DZIP1L: variants seen among roughly 807,000 people sequenced by gnomAD.
DZIP1L encodes the protein cilium assembly protein DZIP1L.
DZIP1L carries 90 observed loss-of-function variants against 88.7 expected under a neutral mutation model. The ratio of observed to expected loss-of-function variants is 1.02; its 90% confidence interval spans 0.86 to 1.21. DZIP1L has a LOEUF of 1.21. Among genes scored for constraint, DZIP1L ranks in the 50% most tolerant of loss-of-function variants. The probability of loss-of-function intolerance (pLI) is 0.00; values close to 1 mark genes in which losing one functional copy is unlikely to be tolerated. For synonymous variants in DZIP1L, 363 were observed against 372.1 expected (o/e 0.98, Z 0.28); for missense variants, 932 against 955.8 (o/e 0.98, Z 0.33).
intron 5 of DZIP1L, among the ~76,000 whole-genome samples, chr3:138,090,931 AG>A (rs1167399480): frequency 6.6e-6 from 1 of 150,454 alleles, no homozygotes; most frequent in East Asian, 2.0e-4. Flanking sequence ...TCACCCAGGC[AG>A]GGGTGCAGTG....
chr3:138,086,000 C>T (rs1326727696), intron 7 of DZIP1L, among the ~76,000 whole-genome samples: 1 of 151,772 alleles, frequency 6.6e-6, no homozygotes, highest in African/African-American at 2.4e-5. Context: ...AGTAAACTAT[C>T]ACAAGAACAA....
intron 1 of DZIP1L, among the ~76,000 whole-genome samples, chr3:138,110,818 A>C (rs1365343795): frequency 3.3e-5 from 5 of 152,280 alleles, no homozygotes; most frequent in Non-Finnish European, 5.9e-5. Flanking sequence ...CCTATTATGC[A>C]GATGAAGAAA....
At chr3:138,083,770 T>A (rs990906932) in intron 8 of DZIP1L, among the ~76,000 whole-genome samples, 26 of 152,282 alleles carry the variant, frequency 1.7e-4, no homozygotes, top group African/African-American at 6.3e-4. Context: ...ATCTGTCGAA[T>A]GAAGATGGGG....
At chr3:138,069,120 G>T in intron 12 of DZIP1L, 1 of 779,240 alleles carries the variant, frequency 1.3e-6, no homozygotes, top group Non-Finnish European at 2.1e-6. Context: ...TCTGCCACCC[G>T]TGAGACAGCA....
intron 11 of DZIP1L, among the ~76,000 whole-genome samples, chr3:138,075,037 C>G (rs1050441474): frequency 6.6e-6 from 1 of 152,132 alleles, no homozygotes; most frequent in African/African-American, 2.4e-5. Context: ...TTTAAAGCAA[C>G]AGCAGTTAAA....
chr3:138,114,963 C>T (rs2042668891), intron 1 of DZIP1L, among the ~76,000 whole-genome samples: 1 of 152,244 alleles, frequency 6.6e-6, no homozygotes, highest in African/African-American at 2.4e-5. Flanking sequence ...TCATCAAGCC[C>T]TCCCAAATCA....
intron 12 of DZIP1L, among the ~76,000 whole-genome samples, chr3:138,070,987 G>A (rs1378738584): frequency 2.6e-5 from 4 of 152,266 alleles, no homozygotes; most frequent in East Asian, 1.9e-4. Flanking sequence ...ACAGAATTTC[G>A]TGTTCCACCA....
chr3:138,067,221 T>C (rs1349576828), intron 14 of DZIP1L, among the ~76,000 whole-genome samples: 1 of 152,126 alleles, frequency 6.6e-6, no homozygotes, highest in African/African-American at 2.4e-5. Context: ...TACTCTCTAC[T>C]GGAAAGAACA....
rs1345713714 is a variant in DZIP1L at position 138,092,379 on chromosome 3, G to A, written c.870+4C>T. 1 of 1,535,910 alleles carries A rather than the reference G, an allele frequency of 6.5e-7. No individual in the cohort carries two copies. The highest frequency in any genetic ancestry group is 1.3e-5 in the South Asian group (1 of 75,592). On this transcript the variant is annotated splice_donor_region_variant and intron_variant, in intron 5 of 15. Transcript: ENST00000327532. ...AACTTTAAAAAGCCTTTTATGTTGGGTACCTCTTCTAGTGTAGAGTTCTGC... is the reference window on the plus strand; with the variant it reads ...AACTTTAAAAAGCCTTTTATGTTGGATACCTCTTCTAGTGTAGAGTTCTGC...
In DZIP1L at chr3:138,103,834, C is replaced by T; in HGVS notation, c.138G>A (p.Val46=). 1 of 1,614,194 alleles carries T rather than the reference C, an allele frequency of 6.2e-7. No homozygotes were observed. Among genetic ancestry groups the T allele is most frequent in the Non-Finnish European group, 8.5e-7 (1 of 1,180,048 alleles). ...GAGTGGCCACATCCAGTTCCCGGGC[C>T]ACGCGGTCTACATCCAGGGTGCTAA... The part of the protein sequence containing the change: ...RRISTLDVDR[V]ARELDVATLQ... The change falls in exon 2 of 16, where the codon GTG becomes GTA. Residue 46 remains valine (V), a synonymous_variant. Coordinates refer to ENST00000327532, the MANE Select transcript of DZIP1L (RefSeq NM_173543.3).
Position 138,066,679 on chromosome 3 carries a change from C to G in DZIP1L, c.2002+852G>C, listed in dbSNP as rs1388059031. On this transcript the variant is annotated intron_variant, in intron 14 of 15. Coordinates refer to ENST00000327532, the MANE Select transcript of DZIP1L (RefSeq NM_173543.3). ...CAGAGCTGAGCACGCGGTGAGCACCCAGCAACACCAACATAGAGGGGAGAG... is the reference window on the plus strand; with the variant it reads ...CAGAGCTGAGCACGCGGTGAGCACCGAGCAACACCAACATAGAGGGGAGAG... Among the ~76,000 whole-genome samples, 3 of 152,030 alleles carry G rather than the reference C, an allele frequency of 2.0e-5. No homozygotes were observed. The East Asian group carries it at 5.8e-4, about 29-fold the overall frequency.
rs747931783 is a variant in DZIP1L, at chr3:138,077,501, T to A, written c.1420A>T (p.Lys474Ter). ...AAAACGATGGCCCTGAAACTCACCTTCCTTATCCCCATGCTTTCGAGCTTC... is the reference window on the plus strand; with the variant it reads ...AAAACGATGGCCCTGAAACTCACCTACCTTATCCCCATGCTTTCGAGCTTC... ...EEKLESMGIR[K>*]DAKGISIQTL... Residue 474 changes from lysine to a stop codon, truncating the protein, a stop_gained and splice_region_variant, in exon 11 of 16, where the codon AAG becomes TAG. Transcript: ENST00000327532. LOFTEE classifies it high-confidence loss of function. The A allele has an allele frequency of 3.7e-6, 6 of 1,614,010 alleles. No homozygotes were observed. The East Asian group carries it at 1.3e-4, about 36-fold the overall frequency.
chr3:138,067,417 C>T (rs1942957903), intron 14 of DZIP1L, 114 bp downstream of exon 14: 1 of 1,243,520 alleles, frequency 8.0e-7, no homozygotes, highest in African/African-American at 1.6e-5. Flanking sequence ...AAAGAGATGT[C>T]AAATAAGAAA....
chr3:138,083,610 A>G (rs1943774391), intron 8 of DZIP1L, among the ~76,000 whole-genome samples: 1 of 152,206 alleles, frequency 6.6e-6, no homozygotes, highest in African/African-American at 2.4e-5. Flanking sequence ...TTTGTGAAAA[A>G]GGTACTGGTT....
chr3:138,092,495 T>A lies in DZIP1L; in HGVS notation c.758A>T (p.Asp253Val). ...QREIEAKKEFDKWKEQEWTKL... is the reference protein window; with the variant it reads ...QREIEAKKEFVKWKEQEWTKL... ...GGTCCACTCTTGCTCTTTCCATTTA[T>A]CAAATTCTTTCTTAGCTTCTATTTC... The change falls in exon 5 of 16, where the codon GAT (aspartate) becomes GTT (valine). Residue 253 changes from aspartate (D) to valine (V), a missense_variant. Physicochemically the swap from Asp to Val is radical, Grantham distance 152. Coordinates refer to ENST00000327532, the MANE Select transcript of DZIP1L (RefSeq NM_173543.3). 6.2e-7 allele frequency: 1 copy of A among 1,603,150 alleles called. No individual in the cohort carries two copies. Among genetic ancestry groups the A allele is most frequent in the Admixed American group, 1.7e-5 (1 of 57,528 alleles).
chr3:138,090,769 A>G (rs911602807), intron 5 of DZIP1L, among the ~76,000 whole-genome samples: 1 of 152,208 alleles, frequency 6.6e-6, no homozygotes, highest in African/African-American at 2.4e-5. Flanking sequence ...ATTTTCAAAA[A>G]CAAGATTCTC....
Position 138,103,569 on chromosome 3 carries a change from C to A in DZIP1L, c.403G>T (p.Glu135Ter), listed in dbSNP as rs764994133. 1.2e-6 allele frequency: 2 copies of A among 1,608,268 alleles called. No homozygotes were observed. Among genetic ancestry groups the A allele is most frequent in the Non-Finnish European group, 8.5e-7 (1 of 1,179,606 alleles). The change falls in exon 2 of 16, where the codon GAG (glutamate) becomes TAG (stop). Residue 135 changes from glutamate (E) to a stop codon, truncating the protein, a stop_gained. Coordinates refer to ENST00000327532, the MANE Select transcript of DZIP1L (RefSeq NM_173543.3). LOFTEE classifies it high-confidence loss of function. Reference protein sequence around the residue: ...GQQELGRQADELKGVREESRR... With the variant: ...GQQELGRQAD ...CTCTCCTCCCGCACACCCTTGAGCT[C>A]GTCAGCCTGGCGTCCCAGCTCCTGC...
intron 10 of DZIP1L, among the ~76,000 whole-genome samples, chr3:138,079,880 C>T (rs571860396): frequency 4.3e-4 from 65 of 152,316 alleles, no homozygotes; most frequent in Non-Finnish European, 7.6e-4. Context: ...CTTGCTCAAA[C>T]AAACGGGACC....
intron 2 of DZIP1L, among the ~76,000 whole-genome samples, chr3:138,100,462 C>G (rs1944680905): frequency 6.6e-6 from 1 of 152,164 alleles, no homozygotes; most frequent in African/African-American, 2.4e-5. Context: ...GTTCTGTGAG[C>G]CATTCTAGCA....
Sources: allele counts gnomAD v4.1 joint callset (sites outside exome capture counted in the v4.1 genomes callset), GRCh38; gene constraint gnomAD v4.1.1; transcripts MANE v1.5; gene names NCBI Gene and HGNC (gene_info 2026-07-23, HGNC 2026-07-21).